Variants in TNRC6C observed in about 807,000 individuals in gnomAD.
TNRC6C encodes trinucleotide repeat containing adaptor 6C.
Under a neutral mutation model 153.7 loss-of-function variants are expected in TNRC6C, and 20 were observed. That is an observed-to-expected ratio of 0.13 (90% CI 0.09 to 0.19). The LOEUF is 0.19. Among genes scored for constraint, TNRC6C ranks in the 10% least tolerant of loss-of-function variants. TNRC6C has a pLI of 1.00. For missense variants in TNRC6C, 1,987 were observed against 2,172.0 expected, an observed-to-expected ratio of 0.91 and a Z score of 1.69; for synonymous variants, 811 against 841.4, an observed-to-expected ratio of 0.96 and a Z score of 0.63.
Position 78,075,880 on chromosome 17 carries a change from A to G in TNRC6C, c.3060+602A>G, listed in dbSNP as rs1453434381. Among the ~76,000 whole-genome samples, 1 of 152,170 alleles carries G rather than the reference A, an allele frequency of 6.6e-6. No individual in the cohort carries two copies. On this transcript the variant is annotated intron_variant, in intron 8 of 19. Coordinates refer to ENST00000301624, the Ensembl canonical transcript of TNRC6C. This position sits in a 1 kb window ranked among gnomAD's most constrained non-coding sequence, Gnocchi z 4.2. ...TCAATGCAAATGTCGAGCCTTGAAA[A>G]TAAAATTGAAGTAAGGAAGGACACA...
intron 13 of TNRC6C, among the ~76,000 whole-genome samples, chr17:78,091,212 G>A (rs1481707197): frequency 6.6e-6 from 1 of 152,052 alleles, no homozygotes; most frequent in East Asian, 1.9e-4. Context: ...CTGTATCCCA[G>A]CTACTTGGGA....
At position 78,049,608 on chromosome 17, in the gene TNRC6C, T is replaced by C; in HGVS notation, c.546T>C (p.Asp182=). 6.2e-7 allele frequency: 1 copy of C among 1,614,018 alleles called. No homozygotes were observed. The highest frequency in any genetic ancestry group is 8.5e-7 in the Non-Finnish European group (1 of 1,179,908). ...CACAACCTCAGAACCTTAACACTGA[T>C]GGACCAAATAACACTAACCCCATGA... The change falls in exon 3 of 20, where the codon GAT becomes GAC. Residue 182 remains aspartate (D), a synonymous_variant. Transcript: ENST00000301624. The surrounding 1 kb of genome is among the most constrained non-coding windows in gnomAD (Gnocchi z 4.1).
At chr17:78,105,634 A>AGTGTGT (rs56886704) in exon 20 of TNRC6C, 2 of 151,462 alleles carry the variant, frequency 1.3e-5, no homozygotes, top group South Asian at 2.1e-4. Context: ...TTGAAACAGA[A>AGTGTGT]GTGTGTGTGT....
intron 1 of TNRC6C, among the ~76,000 whole-genome samples, chr17:78,020,258 C>G (rs2071806591): frequency 6.6e-6 from 1 of 152,250 alleles, no homozygotes; most frequent in Non-Finnish European, 1.5e-5. Context: ...GGAAATATCA[C>G]TGTGAGAACA....
At chr17:77,977,908 T>TC (rs1311901500) in intron 1 of TNRC6C, among the ~76,000 whole-genome samples, 1 of 146,148 alleles carries the variant, frequency 6.8e-6, no homozygotes, top group African/African-American at 2.5e-5. Flanking sequence ...TTTTTTTTTT[T>TC]TTTTTGAGGC....
upstream of TNRC6C, among the ~76,000 whole-genome samples, chr17:77,958,668 C>A (rs368478893): frequency 8.9e-4 from 135 of 151,592 alleles, 1 homozygote; most frequent in East Asian, 0.018. Context: ...GCGAGCGCCC[C>A]GTCTGGCTGA....
At chr17:78,056,869 T>TTTTTTTTTTTTTTTTTTTTGAGACG (rs1555638091) in intron 3 of TNRC6C, among the ~76,000 whole-genome samples, 3 of 151,044 alleles carry the variant, frequency 2.0e-5, no homozygotes, top group Non-Finnish European at 4.4e-5. Context: ...CTCTTTTATA[T>TTTTTTTTTTTTTTTTTTTTGAGACG]GAAAAATATT....
At position 78,102,506 on chromosome 17, in the gene TNRC6C, A is replaced by G; in HGVS notation, c.4534A>G (p.Thr1512Ala). Residue 1512 changes from threonine to alanine, a missense_variant, in exon 18 of 20, where the codon ACC becomes GCC. Transcript: ENST00000301624. ...CTGGAGCACCGACACCTCAGGAAGA[A>G]CCAGCAGCTGGCTCGTTCTTCGAAA... is the stretch of plus-strand genomic sequence containing the variant. The G allele has an allele frequency of 6.2e-7, 1 of 1,607,838 alleles. No homozygotes were observed. The highest frequency in any genetic ancestry group is 1.1e-5 in the South Asian group (1 of 89,492).
chr17:78,076,462 C>T (rs867175320), intron 8 of TNRC6C, among the ~76,000 whole-genome samples: 1 of 152,168 alleles, frequency 6.6e-6, no homozygotes. Flanking sequence ...ACTGTTTAAA[C>T]TGATAAAATT....
chr17:78,095,474 T>A (rs2073468837), intron 16 of TNRC6C, among the ~76,000 whole-genome samples: 1 of 152,158 alleles, frequency 6.6e-6, no homozygotes. Flanking sequence ...CCAACCGGGG[T>A]GACTTGTAGC....
At chr17:78,043,763 A>G (rs28504407) in intron 2 of TNRC6C, among the ~76,000 whole-genome samples, 71,186 of 151,566 alleles carry the variant, frequency 0.47, 18,684 homozygotes, top group African/African-American at 0.71. Flanking sequence ...CTCTATCTTC[A>G]TAAGTTCAAT....
At chr17:78,021,761 G>C (rs1841156469) in intron 1 of TNRC6C, among the ~76,000 whole-genome samples, 1 of 151,962 alleles carries the variant, frequency 6.6e-6, no homozygotes, top group Non-Finnish European at 1.5e-5. Context: ...GTAGAGATGG[G>C]GTTTCACCAT....
intron 1 of TNRC6C, among the ~76,000 whole-genome samples, chr17:77,966,537 A>G (rs557090129): frequency 6.6e-6 from 1 of 152,358 alleles, no homozygotes; most frequent in South Asian, 2.1e-4. Context: ...AATCTGCCAC[A>G]GAGGCTTTAA....
chr17:78,067,762 A>G lies in TNRC6C; in HGVS notation c.2617A>G (p.Lys873Glu), dbSNP rs772261014. Residue 873 changes from lysine (K) to glutamate (E), a missense_variant, in exon 5 of 20, where the codon AAA becomes GAA. This residue lies in a region of TNRC6C where 765 missense variants were observed against 908.6 expected (regional missense o/e 0.84). Coordinates refer to ENST00000301624, the Ensembl canonical transcript of TNRC6C. ...CATGTTTGCTCTGTTTCTAGCTTCA[A>G]AATCTATGCAAGAAGGCTGGGGCAG... is the stretch of plus-strand genomic sequence containing the variant. 3.7e-6 allele frequency: 6 copies of G among 1,604,816 alleles called. No individual in the cohort carries two copies. In the Admixed American group the frequency reaches 5.2e-5, roughly 14 times the overall value.
At chr17:78,001,872 C>T (rs1598667615), upstream of TNRC6C, among the ~76,000 whole-genome samples, 1 of 151,538 alleles carries the variant, frequency 6.6e-6, no homozygotes, top group Non-Finnish European at 1.5e-5. Flanking sequence ...AAATATTGTC[C>T]TGGGGGGAAG....
At chr17:78,018,227 A>C (rs1159508273) in intron 1 of TNRC6C, among the ~76,000 whole-genome samples, 1 of 152,148 alleles carries the variant, frequency 6.6e-6, no homozygotes, top group Non-Finnish European at 1.5e-5. Context: ...CCCGGGCTCA[A>C]GTGATTCTTC....
At chr17:77,964,444 A>AG (rs551727316) in intron 1 of TNRC6C, among the ~76,000 whole-genome samples, 69 of 152,324 alleles carry the variant, frequency 4.5e-4, no homozygotes, top group Non-Finnish European at 8.1e-4. Context: ...GTTGGTGCCC[A>AG]GGTGGTTATT....
At chr17:77,979,849 G>A (rs2071049601) in intron 1 of TNRC6C, among the ~76,000 whole-genome samples, 1 of 152,156 alleles carries the variant, frequency 6.6e-6, no homozygotes, top group African/African-American at 2.4e-5. Flanking sequence ...ACCTTCAAAG[G>A]AGCGGCAGTA....
At chr17:78,007,424 T>C (rs960581297) in intron 1 of TNRC6C, among the ~76,000 whole-genome samples, 2 of 152,236 alleles carry the variant, frequency 1.3e-5, no homozygotes, top group African/African-American at 4.8e-5. Flanking sequence ...AAACCAAAAT[T>C]CATTGCCTGA....
Sources: gnomAD v4.1 joint callset for allele counts (sites outside exome capture counted in the v4.1 genomes callset) on GRCh38, gnomAD v4.1.1 for gene constraint, gnomAD v4.1.1 regional missense constraint, Gnocchi (gnomAD v3.1) non-coding constraint, MANE v1.5 for transcripts, NCBI Gene and HGNC (gene_info 2026-07-23, HGNC 2026-07-21) for gene names.